PIGL: variants seen among roughly 807,000 people sequenced by gnomAD.
PIGL encodes phosphatidylinositol glycan anchor biosynthesis class L.
A neutral mutation model predicts 31.1 loss-of-function variants in PIGL; 22 were observed. The ratio of observed to expected loss-of-function variants is 0.71; its 90% CI spans 0.51 to 1.01. PIGL has a LOEUF of 1.01. Among genes scored for constraint, PIGL ranks in the 50% least tolerant of loss-of-function variants. PIGL has a pLI of 0.00. For missense variants in PIGL, 302 were observed against 315.9 expected, an observed-to-expected ratio of 0.96 and a Z score of 0.33; for synonymous variants, 131 against 117.4, an observed-to-expected ratio of 1.12 and a Z score of -0.75.
intron 1 of PIGL, among the ~76,000 whole-genome samples, chr17:16,227,313 G>C (rs555956152): frequency 6.6e-6 from 1 of 151,990 alleles, no homozygotes; most frequent in East Asian, 1.9e-4. Context: ...GTTTCACCAT[G>C]TTGGCCAGGC....
intron 2 of PIGL, among the ~76,000 whole-genome samples, chr17:16,278,067 T>C (rs1184288192): frequency 6.6e-6 from 1 of 152,042 alleles, no homozygotes; most frequent in Admixed American, 6.6e-5. Context: ...TCTTTTTTTT[T>C]TTTTTTGAGA....
Position 16,255,482 on chromosome 17 carries a change from A to G in PIGL, c.335+21412A>G, listed in dbSNP as rs552914922. Among the ~76,000 whole-genome samples, 25 of 152,328 alleles carry G rather than the reference A, an allele frequency of 1.6e-4. No homozygotes were observed. The South Asian group carries it at 5.2e-3, about 32-fold the overall frequency. On this transcript the variant is annotated intron_variant, in intron 2 of 6. Coordinates refer to ENST00000225609, the MANE Select transcript of PIGL (RefSeq NM_004278.4). ...TATAATCTGGTACCTACTAAGAAAC[A>G]TAAATGGGCCTGGGTTGCTAGCAGT...
At position 16,311,467 on chromosome 17, in the gene PIGL, C is replaced by CTTTCTT. The variant is rs1555867139; in HGVS notation, c.427-2077_427-2076insCTTTTT. Among the ~76,000 whole-genome samples, 5 of 18,974 alleles carry CTTTCTT rather than the reference C, an allele frequency of 2.6e-4. 1 individual carries two copies. The highest frequency in any genetic ancestry group is 4.2e-4 in the Non-Finnish European group (5 of 11,944). 12.4% of individuals were successfully genotyped at this position (18,974 alleles called of 152,430 possible). A position where few individuals can be genotyped will look rare whatever the true frequency, so the allele number is the denominator to read the frequency against. On this transcript the variant is annotated intron_variant, in intron 3 of 6. Transcript: ENST00000225609. The stretch of plus-strand genomic sequence containing the variant: ...AGCCCAAAGCACAGAGGTTTTCTTT[C>CTTTCTT]TTTTTTTTTTTTTTGATCATTCTTG...
chr17:16,317,417 A>C (rs2093082632), intron 5 of PIGL: 1 of 1,012,852 alleles, frequency 9.9e-7, no homozygotes, highest in Admixed American at 4.9e-5. Flanking sequence ...CAAGTCTGTC[A>C]ATTCTTGACT....
At chr17:16,244,799 C>T (rs139830965) in intron 2 of PIGL, among the ~76,000 whole-genome samples, 17 of 152,134 alleles carry the variant, frequency 1.1e-4, no homozygotes, top group African/African-American at 3.4e-4. Flanking sequence ...CTCAGTCTCC[C>T]GAGTAGCTGG....
At chr17:16,312,165 G>A (rs1369475437) in intron 3 of PIGL, among the ~76,000 whole-genome samples, 1 of 151,582 alleles carries the variant, frequency 6.6e-6, no homozygotes, top group African/African-American at 2.4e-5. Context: ...CTCCCGGACG[G>A]GGCGGCTGCT....
chr17:16,295,620 T>A lies in PIGL; in HGVS notation c.336-4268T>A, dbSNP rs148107207. ...GTGATTGTACCACCGCATTCCAGCC[T>A]GGGTGACAGAGCAAGACTCTGTCTC... On this transcript the variant is annotated intron_variant, in intron 2 of 6. Transcript: ENST00000225609. Among the ~76,000 whole-genome samples, 165 of 152,034 alleles carry A rather than the reference T, an allele frequency of 1.1e-3. 1 individual carries two copies. Among genetic ancestry groups the A allele is most frequent in the Middle Eastern group, 3.4e-3 (1 of 294 alleles).
chr17:16,223,263 A>G (rs564559530), intron 1 of PIGL, among the ~76,000 whole-genome samples: 1 of 152,262 alleles, frequency 6.6e-6, no homozygotes, highest in East Asian at 1.9e-4. Context: ...GAGAAGTAAC[A>G]TAATCAGTTT....
chr17:16,258,089 G>GAGAGAGAGAGAGAA (rs1568802731), intron 2 of PIGL, among the ~76,000 whole-genome samples: 2 of 132,220 alleles, frequency 1.5e-5, no homozygotes, highest in Admixed American at 7.8e-5. Flanking sequence ...GAGAGAGAGA[G>GAGAGAGAGAGAGAA]AGAGAGAGAG....
intron 2 of PIGL, among the ~76,000 whole-genome samples, chr17:16,261,469 G>A (rs1390132501): frequency 2.0e-5 from 3 of 152,164 alleles, no homozygotes; most frequent in African/African-American, 7.2e-5. Context: ...ACACTATCAA[G>A]AGTGAAAAGA....
At chr17:16,315,151 G>C (rs1295591482) in intron 4 of PIGL, among the ~76,000 whole-genome samples, 3 of 152,204 alleles carry the variant, frequency 2.0e-5, no homozygotes, top group African/African-American at 4.8e-5. Context: ...ACTCTGTGTA[G>C]ATAGAACTGC....
At chr17:16,294,564 G>A (rs916583881) in intron 2 of PIGL, among the ~76,000 whole-genome samples, 2 of 152,210 alleles carry the variant, frequency 1.3e-5, no homozygotes, top group African/African-American at 2.4e-5. Context: ...GACTGCTGCT[G>A]TCCTTTGAAG....
rs540140715 is a variant in PIGL, at chr17:16,234,848, T to C, written c.335+778T>C. On this transcript the variant is annotated intron_variant, in intron 2 of 6. Coordinates refer to ENST00000225609, the MANE Select transcript of PIGL (RefSeq NM_004278.4). ...AATTTTTTAACTTCTGTTCGGATTT[T>C]TTTTCCTGACATGGGTACTTCTCTT... Among the ~76,000 whole-genome samples the C allele has an allele frequency of 3.3e-5, 5 of 152,340 alleles. No homozygotes were observed. The East Asian group carries it at 9.6e-4, about 29-fold the overall frequency.
chr17:16,280,004 G>A (rs2092909968), intron 2 of PIGL, among the ~76,000 whole-genome samples: 1 of 152,144 alleles, frequency 6.6e-6, no homozygotes, highest in Admixed American at 6.5e-5. Context: ...TGACTAACTG[G>A]GCTGGGTTTA....
At chr17:16,315,111 T>C (rs1057102960) in intron 4 of PIGL, among the ~76,000 whole-genome samples, 1 of 152,146 alleles carries the variant, frequency 6.6e-6, no homozygotes, top group Admixed American at 6.5e-5. Context: ...GAAGGCGTCA[T>C]TCTGGGCAGA....
chr17:16,221,598 C>T (rs2142634502), intron 1 of PIGL, among the ~76,000 whole-genome samples: 1 of 152,114 alleles, frequency 6.6e-6, no homozygotes, highest in African/African-American at 2.4e-5. Context: ...TACAGGCATG[C>T]ATCACCATAC....
intron 2 of PIGL, among the ~76,000 whole-genome samples, chr17:16,257,977 C>T (rs1470676233): frequency 6.7e-6 from 1 of 149,714 alleles, no homozygotes; most frequent in East Asian, 2.1e-4. Flanking sequence ...GTGGGAGAAT[C>T]GCTTGAACCT....
intron 2 of PIGL, among the ~76,000 whole-genome samples, chr17:16,268,063 A>G (rs975411617): frequency 1.3e-5 from 2 of 152,182 alleles, no homozygotes; most frequent in Non-Finnish European, 1.5e-5. Context: ...GCAGAGATGG[A>G]GCACAAGGGG....
chr17:16,228,662 A>T (rs2092664726), intron 1 of PIGL, among the ~76,000 whole-genome samples: 1 of 152,168 alleles, frequency 6.6e-6, no homozygotes, highest in Admixed American at 6.5e-5. Flanking sequence ...TGATGGGATT[A>T]CAGGCGTAAG....
Sources: allele counts gnomAD v4.1 joint callset (sites outside exome capture counted in the v4.1 genomes callset), GRCh38; gene constraint gnomAD v4.1.1; transcripts MANE v1.5; gene names NCBI Gene and HGNC (gene_info 2026-07-23, HGNC 2026-07-21).